Variants in LRRC4C observed in about 807,000 individuals in gnomAD.
LRRC4C encodes the protein leucine-rich repeat-containing protein 4C.
Under a neutral mutation model 33.6 loss-of-function variants are expected in LRRC4C, and 5 were observed. The observed-to-expected ratio is 0.15, with a 90% CI of 0.08 to 0.31. LRRC4C has a LOEUF of 0.31. Ranked by LOEUF, LRRC4C falls within the 10% of genes least tolerant of loss-of-function variation. The probability of loss-of-function intolerance (pLI) is 1.00; values close to 1 mark genes in which losing one functional copy is unlikely to be tolerated. For missense variants in LRRC4C, 560 were observed against 796.7 expected (o/e 0.70, Z 3.58); for synonymous variants, 329 against 302.0 (o/e 1.09, Z -0.93).
intron 2 of LRRC4C, among the ~76,000 whole-genome samples, chr11:40,763,086 T>TATATATGTATATATATATATACACACAC (rs1465658414): frequency 6.8e-6 from 1 of 147,654 alleles, no homozygotes; most frequent in Non-Finnish European, 1.5e-5. Context: ...TACACACACA[T>TATATATGTATATATATATATACACACAC]ATATATGTAT....
chr11:40,819,242 A>G (rs919842407), intron 2 of LRRC4C, among the ~76,000 whole-genome samples: 1 of 152,122 alleles, frequency 6.6e-6, no homozygotes, highest in African/African-American at 2.4e-5. Context: ...TTCTGCAAAA[A>G]CCCACTCTAC....
chr11:41,221,831 A>C (rs992887718), intron 1 of LRRC4C, among the ~76,000 whole-genome samples: 1 of 152,228 alleles, frequency 6.6e-6, no homozygotes, highest in Non-Finnish European at 1.5e-5. Flanking sequence ...TAACATCATT[A>C]GTTCTAGTTT....
At chr11:40,243,040 C>A (rs1015531626) in intron 4 of LRRC4C, among the ~76,000 whole-genome samples, 2 of 152,130 alleles carry the variant, frequency 1.3e-5, no homozygotes, top group African/African-American at 4.8e-5. Context: ...AACCAAATAA[C>A]TGTATGTGCC....
intron 3 of LRRC4C, among the ~76,000 whole-genome samples, chr11:40,508,503 C>A (rs1337705526): frequency 6.8e-6 from 1 of 146,350 alleles, no homozygotes; most frequent in Non-Finnish European, 1.5e-5. Flanking sequence ...AAAAAAAAAC[C>A]TGCCTTGTCA....
chr11:40,609,055 C>A (rs77627821), intron 3 of LRRC4C, among the ~76,000 whole-genome samples: 3,110 of 152,176 alleles, frequency 0.02, 101 homozygotes, highest in African/African-American at 0.071. Context: ...TCGAACAACA[C>A]TGTAGATGAA....
intron 1 of LRRC4C, among the ~76,000 whole-genome samples, chr11:41,214,932 T>C (rs1946987754): frequency 4.7e-5 from 7 of 147,554 alleles, no homozygotes. Flanking sequence ...ATGTTTAACA[T>C]GAAGAGCTTA....
At chr11:40,559,015 T>C (rs777217420) in intron 3 of LRRC4C, among the ~76,000 whole-genome samples, 3 of 152,194 alleles carry the variant, frequency 2.0e-5, no homozygotes, top group African/African-American at 7.2e-5. Context: ...CTCCCATCTA[T>C]GTTCCTGCAA....
chr11:41,146,421 T>A (rs568352669), intron 1 of LRRC4C, among the ~76,000 whole-genome samples: 1 of 152,354 alleles, frequency 6.6e-6, no homozygotes, highest in South Asian at 2.1e-4. Context: ...AGCGTTTCCT[T>A]GACTATATTT....
chr11:40,962,889 A>C (rs1185535531), intron 1 of LRRC4C, among the ~76,000 whole-genome samples: 1 of 151,768 alleles, frequency 6.6e-6, no homozygotes, highest in African/African-American at 2.4e-5. Context: ...ATTATTTGAG[A>C]TAAACAGGAC....
chr11:41,278,344 T>A (rs1949548413), intron 1 of LRRC4C, among the ~76,000 whole-genome samples: 1 of 152,128 alleles, frequency 6.6e-6, no homozygotes, highest in Non-Finnish European at 1.5e-5. Context: ...ACCAACCATA[T>A]TTTTACCCAT....
At position 40,886,880 on chromosome 11, in the gene LRRC4C, T is replaced by C. The variant is rs574923960; in HGVS notation, c.-407+46755A>G. Reference sequence around the variant, plus strand: ...ATCAATACACAAGCAAATATGTTTATATATGTGTGTGTGTGTGTGTGTATA... The same window carrying C: ...ATCAATACACAAGCAAATATGTTTACATATGTGTGTGTGTGTGTGTGTATA... On this transcript the variant is annotated intron_variant, in intron 2 of 6. Coordinates refer to ENST00000528697, the MANE Select transcript of LRRC4C (RefSeq NM_001258419.2). Among the ~76,000 whole-genome samples the C allele has an allele frequency of 2.7e-5, 4 of 149,210 alleles. No homozygotes were observed. The South Asian group carries it at 8.4e-4, about 31-fold the overall frequency.
At chr11:40,537,035 G>A (rs76772296) in intron 3 of LRRC4C, among the ~76,000 whole-genome samples, 4 of 152,158 alleles carry the variant, frequency 2.6e-5, no homozygotes, top group East Asian at 1.9e-4. Context: ...TAACAAATAC[G>A]TGTTTAATGT....
intron 5 of LRRC4C, among the ~76,000 whole-genome samples, chr11:40,179,868 A>G (rs1000563779): frequency 1.3e-5 from 2 of 152,192 alleles, no homozygotes; most frequent in African/African-American, 4.8e-5. Flanking sequence ...GGTTAGTAAC[A>G]ATGTTGAGAA....
At chr11:41,175,885 G>A (rs1052097403) in intron 1 of LRRC4C, among the ~76,000 whole-genome samples, 2 of 151,982 alleles carry the variant, frequency 1.3e-5, no homozygotes, top group Non-Finnish European at 2.9e-5. Context: ...TTTCTGACTC[G>A]ATCTCCTTTC....
intron 4 of LRRC4C, among the ~76,000 whole-genome samples, chr11:40,247,834 G>T (rs1866471005): frequency 6.6e-6 from 1 of 152,114 alleles, no homozygotes; most frequent in Non-Finnish European, 1.5e-5. Context: ...GCAGTCATTT[G>T]TACATATACT....
At chr11:40,712,533 T>C (rs892836115) in intron 2 of LRRC4C, among the ~76,000 whole-genome samples, 9 of 152,190 alleles carry the variant, frequency 5.9e-5, no homozygotes, top group African/African-American at 1.9e-4. Flanking sequence ...CATAAAAAGC[T>C]ATTTCTAGAA....
chr11:40,834,329 G>T (rs1295886544), intron 2 of LRRC4C, among the ~76,000 whole-genome samples: 1 of 152,006 alleles, frequency 6.6e-6, no homozygotes, highest in Admixed American at 6.6e-5. Context: ...AAATTAGGCA[G>T]GCATGGTGGT....
chr11:41,099,901 T>C (rs926567571), intron 1 of LRRC4C, among the ~76,000 whole-genome samples: 16 of 152,088 alleles, frequency 1.1e-4, no homozygotes, highest in Non-Finnish European at 1.8e-4. Flanking sequence ...TCAAACTATC[T>C]CTCTTTGTAG....
At chr11:40,786,703 A>G (rs1950423530) in intron 2 of LRRC4C, among the ~76,000 whole-genome samples, 1 of 152,148 alleles carries the variant, frequency 6.6e-6, no homozygotes, top group African/African-American at 2.4e-5. Context: ...GTCAACAAGG[A>G]AAAAATTAAA....
Sources: gnomAD v4.1 joint callset for allele counts (sites outside exome capture counted in the v4.1 genomes callset) on GRCh38, gnomAD v4.1.1 for gene constraint, MANE v1.5 for transcripts, NCBI Gene and HGNC (gene_info 2026-07-23, HGNC 2026-07-21) for gene names.